PDE1C: variants seen among roughly 807,000 people sequenced by gnomAD.
PDE1C encodes the protein phosphodiesterase 1C, also known as dual specificity calcium/calmodulin-dependent 3',5'-cyclic nucleotide phosphodiesterase 1C.
A neutral mutation model predicts 93.1 loss-of-function variants in PDE1C; 62 were observed. The ratio of observed to expected loss-of-function variants is 0.67; its 90% CI spans 0.54 to 0.82. The LOEUF is 0.82. PDE1C is among the 40% of genes least tolerant of loss of function. The probability of loss-of-function intolerance (pLI) is 0.00; values close to 1 mark genes in which losing one functional copy is unlikely to be tolerated. For synonymous variants in PDE1C, 325 were observed against 310.1 expected (o/e 1.05, Z -0.50); for missense variants, 742 against 884.6 (o/e 0.84, Z 2.04).
At chr7:32,298,436 G>A (rs1270139347) in intron 1 of PDE1C, among the ~76,000 whole-genome samples, 2 of 152,060 alleles carry the variant, frequency 1.3e-5, no homozygotes, top group East Asian at 2.0e-4. Flanking sequence ...GCGCGACGCC[G>A]GGTCGGAGCC....
intron 16 of PDE1C, among the ~76,000 whole-genome samples, chr7:31,802,955 A>G (rs547561873): frequency 1.2e-4 from 18 of 151,646 alleles, no homozygotes; most frequent in Non-Finnish European, 2.7e-4. Context: ...TATAGTTTTC[A>G]TCATCTGACA....
intron 2 of PDE1C, among the ~76,000 whole-genome samples, chr7:31,950,678 G>A (rs1253888811): frequency 6.6e-6 from 1 of 152,022 alleles, no homozygotes; most frequent in East Asian, 1.9e-4. Context: ...TAAGTAAACC[G>A]TTCACAATCT....
the PDE1C span, chr7:31,651,080 T>C: frequency 3.8e-6 from 6 of 1,564,372 alleles, no homozygotes; most frequent in South Asian, 2.4e-5. Context: ...GGCTCCACCA[T>C]GGTGAGCTCT....
At chr7:32,274,780 A>T (rs927371774) in intron 1 of PDE1C, among the ~76,000 whole-genome samples, 5 of 152,256 alleles carry the variant, frequency 3.3e-5, no homozygotes, top group Admixed American at 1.3e-4. Flanking sequence ...CTGAAATCAT[A>T]GGAGAAGCTT....
the PDE1C span, among the ~76,000 whole-genome samples, chr7:31,624,104 G>A: frequency 6.6e-6 from 1 of 150,762 alleles, no homozygotes; most frequent in Non-Finnish European, 1.5e-5. Flanking sequence ...ACAAACCACT[G>A]CTCAATGAAA....
intron 16 of PDE1C, among the ~76,000 whole-genome samples, chr7:31,798,192 T>C (rs1399443388): frequency 2.6e-5 from 4 of 151,830 alleles, no homozygotes; most frequent in African/African-American, 9.7e-5. Flanking sequence ...ATATTTCACA[T>C]TGTACATCAG....
chr7:32,224,953 G>C (rs574621048), intron 1 of PDE1C, among the ~76,000 whole-genome samples: 2 of 151,870 alleles, frequency 1.3e-5, no homozygotes, highest in African/African-American at 4.8e-5. Flanking sequence ...GAGAAGGAAG[G>C]CTGGCAATGA....
chr7:31,703,683 C>T, the PDE1C span, among the ~76,000 whole-genome samples: 1 of 152,224 alleles, frequency 6.6e-6, no homozygotes, highest in Non-Finnish European at 1.5e-5. Context: ...TTCAGAAGGA[C>T]TCACATTGGT....
intron 1 of PDE1C, among the ~76,000 whole-genome samples, chr7:32,246,331 T>C (rs1418091098): frequency 1.3e-5 from 2 of 152,080 alleles, no homozygotes; most frequent in Non-Finnish European, 1.5e-5. Context: ...GCACTGACTC[T>C]TATGCTTATG....
At chr7:32,055,032 C>A (rs1268976233) in intron 1 of PDE1C, among the ~76,000 whole-genome samples, 2 of 152,136 alleles carry the variant, frequency 1.3e-5, no homozygotes, top group Non-Finnish European at 1.5e-5. Context: ...CACCACATTG[C>A]ACTTATGACT....
intron 1 of PDE1C, among the ~76,000 whole-genome samples, chr7:32,219,935 G>A (rs920676950): frequency 2.0e-5 from 3 of 152,138 alleles, no homozygotes; most frequent in African/African-American, 7.2e-5. Flanking sequence ...TCCCCATACT[G>A]TTCTCATGGT....
At chr7:31,867,538 G>C (rs1240868487) in intron 6 of PDE1C, among the ~76,000 whole-genome samples, 1 of 152,166 alleles carries the variant, frequency 6.6e-6, no homozygotes, top group Non-Finnish European at 1.5e-5. Flanking sequence ...CATGCCACCT[G>C]TGAGCCTGGA....
At chr7:31,911,243 T>C (rs1289280931) in intron 2 of PDE1C, among the ~76,000 whole-genome samples, 1 of 152,168 alleles carries the variant, frequency 6.6e-6, no homozygotes, top group Admixed American at 6.6e-5. Context: ...TCTATCTGAA[T>C]CAACAAAATT....
intron 1 of PDE1C, among the ~76,000 whole-genome samples, chr7:32,402,753 T>C (rs2128095887): frequency 6.6e-6 from 1 of 152,278 alleles, no homozygotes; most frequent in South Asian, 2.1e-4. Context: ...GAAATAGTAT[T>C]TATATAATGT....
At chr7:31,692,691 TG>T in the PDE1C span, among the ~76,000 whole-genome samples, 1 of 152,178 alleles carries the variant, frequency 6.6e-6, no homozygotes, top group East Asian at 1.9e-4. Context: ...CATGGGTCTG[TG>T]GGGTCTGCCA....
chr7:31,914,913 T>C (rs1480874916), intron 2 of PDE1C, among the ~76,000 whole-genome samples: 1 of 152,210 alleles, frequency 6.6e-6, no homozygotes, highest in Non-Finnish European at 1.5e-5. Flanking sequence ...AAGGACCACT[T>C]ATGCGACAAT....
intron 1 of PDE1C, among the ~76,000 whole-genome samples, chr7:32,210,031 A>G (rs918138997): frequency 6.6e-6 from 1 of 152,240 alleles, no homozygotes; most frequent in Non-Finnish European, 1.5e-5. Context: ...TCAGAAAGAT[A>G]TTAAATTTAG....
chr7:31,708,900 C>T, the PDE1C span, among the ~76,000 whole-genome samples: 1 of 152,184 alleles, frequency 6.6e-6, no homozygotes, highest in African/African-American at 2.4e-5. Context: ...TCTGCTCCCA[C>T]TTCTGATGCC....
At chr7:32,098,641 G>T (rs186332830) in intron 3 of PDE1C, among the ~76,000 whole-genome samples, 2 of 152,124 alleles carry the variant, frequency 1.3e-5, no homozygotes, top group African/African-American at 4.8e-5. Flanking sequence ...ACTTTATTAC[G>T]TTGGAGATAT....
Sources: allele counts gnomAD v4.1 joint callset (sites outside exome capture counted in the v4.1 genomes callset), GRCh38; gene constraint gnomAD v4.1.1; transcripts MANE v1.5; gene names NCBI Gene and HGNC (gene_info 2026-07-23, HGNC 2026-07-21).